ZFR: variants seen among roughly 807,000 people sequenced by gnomAD.
ZFR encodes zinc finger RNA binding protein.
ZFR carries 19 observed loss-of-function variants against 130.7 expected under a neutral mutation model. The observed-to-expected ratio is 0.15, with a 90% CI of 0.10 to 0.21. The LOEUF is 0.21. Among genes scored for constraint, ZFR ranks in the 10% least tolerant of loss-of-function variants. The pLI is 1.00. For synonymous variants in ZFR, 466 were observed against 456.9 expected (o/e 1.02, Z -0.25); for missense variants, 872 against 1,321.5 (o/e 0.66, Z 5.27).
In ZFR at chr5:32,385,477, TAGAA is replaced by T. The variant is rs1220671318; in HGVS notation, c.2641+27_2641+30del. On this transcript the variant is annotated intron_variant, in intron 15 of 19. Transcript: ENST00000265069. The stretch of plus-strand genomic sequence containing the variant: ...GTAGATAAATGAAAAAAAAAGTTAA[TAGAA>T]AGTAGAAAGTTTAATGGCTTTCCAA... 5.6e-6 allele frequency: 9 copies of T among 1,605,578 alleles called. 1 individual carries two copies. The highest frequency in any genetic ancestry group is 2.6e-6 in the Non-Finnish European group (3 of 1,176,118).
intron 17 of ZFR, among the ~76,000 whole-genome samples, chr5:32,375,784 G>A (rs1752791352): frequency 1.3e-5 from 2 of 152,116 alleles, no homozygotes; most frequent in African/African-American, 2.4e-5. Flanking sequence ...TGGGATTACA[G>A]GCATGAGCCA....
At chr5:32,386,231 T>G (rs1362619000) in intron 14 of ZFR, among the ~76,000 whole-genome samples, 1 of 152,128 alleles carries the variant, frequency 6.6e-6, no homozygotes, top group Non-Finnish European at 1.5e-5. Context: ...AGTGATGCGA[T>G]GATAGACAAA....
At chr5:32,369,547 T>C (rs984463422) in intron 17 of ZFR, among the ~76,000 whole-genome samples, 7 of 151,880 alleles carry the variant, frequency 4.6e-5, no homozygotes, top group African/African-American at 1.7e-4. Context: ...GGCTCACGCC[T>C]ATAATCCCAG....
chr5:32,444,547 A>T (rs944893258), intron 1 of ZFR, 75 bp downstream of exon 1: 71 of 1,424,522 alleles, frequency 5.0e-5, no homozygotes, highest in Non-Finnish European at 6.3e-5. Context: ...AGCCTGCCCC[A>T]ACCCCCGCGG....
Position 32,383,961 on chromosome 5 carries a change from T to A in ZFR, c.2641+1547A>T, listed in dbSNP as rs1365870042. The A allele has an allele frequency of 1.2e-5, 4 of 334,448 alleles. No homozygotes were observed. In the East Asian group the frequency reaches 3.0e-4, roughly 25 times the overall value. 20.7% of individuals were successfully genotyped at this position (334,448 alleles called of 1,614,324 possible). A position where few individuals can be genotyped will look rare whatever the true frequency, so the allele number is the denominator to read the frequency against. ...ATAATATTTATGAAATTCAGAACAA[T>A]AATTCTAACTCAAGTCTGGGTCAGA... On this transcript the variant is annotated intron_variant, in intron 15 of 19. Coordinates refer to ENST00000265069, the MANE Select transcript of ZFR (RefSeq NM_016107.5).
intron 2 of ZFR, among the ~76,000 whole-genome samples, chr5:32,442,156 G>A (rs1754489214): frequency 6.6e-6 from 1 of 152,146 alleles, no homozygotes; most frequent in African/African-American, 2.4e-5. Flanking sequence ...AATAAAGTTA[G>A]TAATTCAACA....
chr5:32,437,764 C>T (rs2019106), intron 2 of ZFR, among the ~76,000 whole-genome samples: 43,747 of 151,910 alleles, frequency 0.29, 6,805 homozygotes, highest in Middle Eastern at 0.43. Flanking sequence ...TCTAATCCAA[C>T]TGCTTATATA....
rs769269858 is a variant in ZFR, at chr5:32,444,210, GA to G, written c.137+18del. On this transcript the variant is annotated intron_variant, in intron 2 of 19. Coordinates refer to ENST00000265069, the MANE Select transcript of ZFR (RefSeq NM_016107.5). ...GGGGAGAGCAAGGGGCGAACAGAGAGAAGGCAGGATGCCGTTACCTATATTG... is the reference window on the plus strand; with the variant it reads ...GGGGAGAGCAAGGGGCGAACAGAGAGAGGCAGGATGCCGTTACCTATATTG... 2.4e-4 allele frequency: 387 copies of G among 1,595,628 alleles called. 2 individuals are homozygous for G. The highest frequency in any genetic ancestry group is 3.2e-4 in the Non-Finnish European group (380 of 1,172,704).
At chr5:32,371,552 C>G (rs1561864986) in intron 17 of ZFR, among the ~76,000 whole-genome samples, 2 of 152,162 alleles carry the variant, frequency 1.3e-5, no homozygotes, top group Non-Finnish European at 2.9e-5. Flanking sequence ...ATCCCAAAAA[C>G]TTCACCAATA....
At chr5:32,407,618 A>G (rs1182603512) in intron 5 of ZFR, among the ~76,000 whole-genome samples, 1 of 152,064 alleles carries the variant, frequency 6.6e-6, no homozygotes, top group Non-Finnish European at 1.5e-5. Context: ...AATAAAGTTT[A>G]GCAGAAGTTT....
At chr5:32,385,023 A>C (rs1001051282) in intron 15 of ZFR, among the ~76,000 whole-genome samples, 2 of 152,082 alleles carry the variant, frequency 1.3e-5, no homozygotes, top group African/African-American at 4.8e-5. Flanking sequence ...GACAAGCCAA[A>C]TCCATTATTA....
chr5:32,374,920 A>G (rs1752764472), intron 17 of ZFR, among the ~76,000 whole-genome samples: 1 of 152,220 alleles, frequency 6.6e-6, no homozygotes, highest in Non-Finnish European at 1.5e-5. Context: ...CAAAGTTTTG[A>G]TGCTACTAAA....
chr5:32,377,708 G>A (rs1381430950), intron 17 of ZFR, among the ~76,000 whole-genome samples: 2 of 152,022 alleles, frequency 1.3e-5, no homozygotes, highest in African/African-American at 4.8e-5. Flanking sequence ...ATATTTTTGA[G>A]ATGAAGTCTC....
chr5:32,393,554 G>A (rs72735336), intron 11 of ZFR, among the ~76,000 whole-genome samples: 7 of 152,254 alleles, frequency 4.6e-5, no homozygotes, highest in Non-Finnish European at 8.8e-5. Flanking sequence ...TGTTGGTCAG[G>A]CTGGTCTTGA....
intron 2 of ZFR, among the ~76,000 whole-genome samples, chr5:32,432,427 AC>A (rs113065916): frequency 1.1e-4 from 16 of 152,236 alleles, no homozygotes; most frequent in African/African-American, 3.6e-4. Context: ...GTCTTTTCAT[AC>A]GCTTTTTGGC....
At position 32,386,971 on chromosome 5, in the gene ZFR, A is replaced by C. The variant is rs138828012; in HGVS notation, c.2499+578T>G. ...ATTTTTATAAATTTAAGCTTAAAAA[A>C]AGTTTGTTTTTGTAGGACCCAAATA... On this transcript the variant is annotated intron_variant, in intron 14 of 19. Coordinates refer to ENST00000265069, the MANE Select transcript of ZFR (RefSeq NM_016107.5). 9.3e-3 allele frequency among the ~76,000 whole-genome samples: 1,411 copies of C among 152,224 alleles called. 31 individuals are homozygous for C. The highest frequency in any genetic ancestry group is 0.032 in the African/African-American group (1,342 of 41,558).
chr5:32,385,765 A>G (rs1753031297), intron 14 of ZFR, 116 bp from the exon 15 acceptor site: 3 of 1,038,674 alleles, frequency 2.9e-6, no homozygotes, highest in Middle Eastern at 3.2e-4. Flanking sequence ...TGAGGACCAG[A>G]TTATATACTG....
intron 17 of ZFR, among the ~76,000 whole-genome samples, chr5:32,372,799 C>T (rs184394385): frequency 2.6e-5 from 4 of 152,080 alleles, no homozygotes; most frequent in African/African-American, 9.6e-5. Flanking sequence ...CACACCACTG[C>T]ACTCTAGTCT....
At chr5:32,415,247 A>G in intron 4 of ZFR, 60 bp from the exon 5 acceptor site, 1 of 1,348,278 alleles carries the variant, frequency 7.4e-7, no homozygotes, top group South Asian at 1.2e-5. Context: ...TTACTGTACC[A>G]GTATCCTTAA....
Sources: allele counts gnomAD v4.1 joint callset (sites outside exome capture counted in the v4.1 genomes callset), GRCh38; gene constraint gnomAD v4.1.1; transcripts MANE v1.5; gene names NCBI Gene and HGNC (gene_info 2026-07-23, HGNC 2026-07-21).